PCDH15: variants seen among roughly 807,000 people sequenced by gnomAD.
PCDH15 encodes the protein protocadherin-15.
In PCDH15, 129 loss-of-function variants were observed where a neutral mutation model predicts 178.5. That is an observed-to-expected ratio of 0.72 (90% CI 0.63 to 0.84). The LOEUF (loss-of-function observed/expected upper bound fraction) is 0.84, where lower values mean the gene tolerates loss of function less well. PCDH15 is among the 40% of genes least tolerant of loss of function. The pLI, the probability that PCDH15 is intolerant of heterozygous loss-of-function variation, is 0.00. For synonymous variants in PCDH15, 800 were observed against 732.0 expected (o/e 1.09, Z -1.50); for missense variants, 2,230 against 2,099.9 (o/e 1.06, Z -1.21).
At chr10:54,263,906 C>G (rs7094068) in intron 8 of PCDH15, among the ~76,000 whole-genome samples, 106,227 of 151,310 alleles carry the variant, frequency 0.7, 38,169 homozygotes, top group Middle Eastern at 0.76. Context: ...AATCAGCTGC[C>G]AGCACAGCTA....
intron 2 of PCDH15, among the ~76,000 whole-genome samples, chr10:55,510,105 T>G (rs1191040290): frequency 1.3e-5 from 2 of 151,984 alleles, no homozygotes; most frequent in Admixed American, 1.3e-4. Flanking sequence ...TGTGGTCTGC[T>G]AGATATGTGT....
chr10:54,765,500 TAAAC>T (rs1411720186), intron 1 of PCDH15, among the ~76,000 whole-genome samples: 3 of 152,140 alleles, frequency 2.0e-5, no homozygotes, highest in African/African-American at 7.2e-5. Flanking sequence ...TTTTATTTTT[TAAAC>T]TACTCTCACC....
chr10:54,855,096 C>A (rs1021291447), intron 3 of PCDH15, among the ~76,000 whole-genome samples: 4 of 152,186 alleles, frequency 2.6e-5, no homozygotes, highest in African/African-American at 9.6e-5. Context: ...CACACACACC[C>A]GGGCTCGGGC....
chr10:54,308,077 A>T (rs1229166074), intron 8 of PCDH15, among the ~76,000 whole-genome samples: 1 of 152,070 alleles, frequency 6.6e-6, no homozygotes, highest in Non-Finnish European at 1.5e-5. Flanking sequence ...TAGAGACAGT[A>T]AGCAACATAC....
At chr10:54,590,867 A>G (rs555553461) in intron 2 of PCDH15, among the ~76,000 whole-genome samples, 7 of 152,184 alleles carry the variant, frequency 4.6e-5, no homozygotes, top group African/African-American at 1.7e-4. Context: ...CAAACAAAAA[A>G]AAACCGAGAC....
intron 2 of PCDH15, among the ~76,000 whole-genome samples, chr10:54,570,710 T>G (rs1165285167): frequency 6.6e-6 from 1 of 152,138 alleles, no homozygotes; most frequent in East Asian, 1.9e-4. Context: ...TGGAGTGCAG[T>G]GGCGTGATCT....
intron 2 of PCDH15, among the ~76,000 whole-genome samples, chr10:55,461,061 G>A (rs1041839005): frequency 6.6e-6 from 1 of 152,158 alleles, no homozygotes; most frequent in Non-Finnish European, 1.5e-5. Context: ...GTTAGCTCCA[G>A]ACACTACTAT....
chr10:55,170,137 G>A (rs1839294376), intron 1 of PCDH15, among the ~76,000 whole-genome samples: 1 of 151,760 alleles, frequency 6.6e-6, no homozygotes, highest in African/African-American at 2.4e-5. Flanking sequence ...TGTTGATGTG[G>A]GTTTTGTTTT....
At chr10:54,882,097 C>A (rs1954274541) in intron 3 of PCDH15, among the ~76,000 whole-genome samples, 2 of 151,952 alleles carry the variant, frequency 1.3e-5, no homozygotes, top group African/African-American at 4.8e-5. Context: ...ATACCGAATT[C>A]ATATGATAGT....
Position 54,158,498 on chromosome 10 carries a change from A to G in PCDH15, c.1591-5205T>C, listed in dbSNP as rs111899233. On this transcript the variant is annotated intron_variant, in intron 13 of 37. Coordinates refer to ENST00000644397, the MANE Select transcript of PCDH15 (RefSeq NM_001384140.1). ...GAGATTTGGGTGGGGACATAGCCAA[A>G]CCATATCACCATCAATCACCCATGT... 8.6e-3 allele frequency among the ~76,000 whole-genome samples: 1,313 copies of G among 152,296 alleles called. 18 individuals are homozygous for G. Among genetic ancestry groups the G allele is most frequent in the African/African-American group, 0.03 (1,248 of 41,558 alleles).
chr10:54,240,293 C>G (rs1424970952), intron 8 of PCDH15, among the ~76,000 whole-genome samples: 5 of 145,102 alleles, frequency 3.4e-5, no homozygotes, highest in Non-Finnish European at 7.5e-5. Flanking sequence ...CAGGGTAAAT[C>G]CAAAGAAAAC....
intron 1 of PCDH15, among the ~76,000 whole-genome samples, chr10:55,181,442 G>A (rs1017068693): frequency 6.6e-6 from 1 of 151,916 alleles, no homozygotes; most frequent in Non-Finnish European, 1.5e-5. Context: ...TTGGGTCTAA[G>A]TTTTCCCATT....
At chr10:53,990,017 C>T (rs1272046616) in intron 21 of PCDH15, among the ~76,000 whole-genome samples, 1 of 152,122 alleles carries the variant, frequency 6.6e-6, no homozygotes, top group Non-Finnish European at 1.5e-5. Context: ...TAGCACCCTC[C>T]GCTAATAGAT....
At chr10:54,822,291 T>A (rs1953055667) in intron 3 of PCDH15, among the ~76,000 whole-genome samples, 1 of 152,118 alleles carries the variant, frequency 6.6e-6, no homozygotes, top group Non-Finnish European at 1.5e-5. Context: ...AAAGCTTTTA[T>A]AGCTCTCCCT....
intron 3 of PCDH15, among the ~76,000 whole-genome samples, chr10:54,436,454 C>A (rs1044066964): frequency 3.4e-4 from 52 of 151,784 alleles, no homozygotes; most frequent in Non-Finnish European, 6.6e-4. Context: ...TGTAGAGAAA[C>A]CTAGAGCTTA....
intron 2 of PCDH15, among the ~76,000 whole-genome samples, chr10:55,138,348 C>T (rs1266599983): frequency 6.6e-6 from 1 of 152,094 alleles, no homozygotes; most frequent in East Asian, 1.9e-4. Flanking sequence ...AAATCATAAG[C>T]TATATGTGTG....
At chr10:55,463,076 T>G (rs1049001291) in intron 2 of PCDH15, among the ~76,000 whole-genome samples, 1 of 129,562 alleles carries the variant, frequency 7.7e-6, no homozygotes, top group Non-Finnish European at 1.7e-5. Flanking sequence ...AAATAAAATA[T>G]AGGAAAGGTC....
intron 4 of PCDH15, 91 bp downstream of exon 4, chr10:54,378,691 T>C: frequency 7.1e-7 from 1 of 1,399,920 alleles, no homozygotes; most frequent in Non-Finnish European, 9.9e-7. Context: ...ACTCAAATTA[T>C]GTAAATAATT....
At chr10:53,983,654 ACTCGACC>A (rs2090857330) in intron 21 of PCDH15, among the ~76,000 whole-genome samples, 1 of 152,170 alleles carries the variant, frequency 6.6e-6, no homozygotes, top group Non-Finnish European at 1.5e-5. Context: ...GGTAAACGTA[ACTCGACC>A]CTTAAAGGTA....
Sources: gnomAD v4.1 joint callset for allele counts (sites outside exome capture counted in the v4.1 genomes callset) on GRCh38, gnomAD v4.1.1 for gene constraint, MANE v1.5 for transcripts, NCBI Gene and HGNC (gene_info 2026-07-23, HGNC 2026-07-21) for gene names.